The following YRDC variants were observed in gnomAD, a reference collection of about 807,000 sequenced individuals.
YRDC encodes the protein yrdC N6-threonylcarbamoyltransferase domain containing.
Under a neutral mutation model 21.5 loss-of-function variants are expected in YRDC, and 17 were observed. The observed-to-expected ratio is 0.79, with a 90% CI of 0.54 to 1.19. YRDC has a LOEUF of 1.19. Ranked by LOEUF, YRDC falls within the 50% of genes most tolerant of loss-of-function variation. The probability of loss-of-function intolerance (pLI) is 0.00; values close to 1 mark genes in which losing one functional copy is unlikely to be tolerated. For missense variants in YRDC, 380 were observed against 397.1 expected (o/e 0.96, Z 0.37); for synonymous variants, 193 against 176.7 (o/e 1.09, Z -0.73).
Position 37,804,336 on chromosome 1 carries a change from C to T in YRDC, c.733G>A (p.Val245Met), listed in dbSNP as rs779475370. 1 of 1,614,138 alleles carries T rather than the reference C, an allele frequency of 6.2e-7. No individual in the cohort carries two copies. The highest frequency in any genetic ancestry group is 8.5e-7 in the Non-Finnish European group (1 of 1,179,996). Reference sequence around the variant, plus strand: ...CGAATGATGCCAAACTTTCCGGGCACAGACAAATCAACCACAGTTGAGCCA... The same window carrying T: ...CGAATGATGCCAAACTTTCCGGGCATAGACAAATCAACCACAGTTGAGCCA... ...RLGSTVVDLS[V>M]PGKFGIIRPG... The change falls in exon 4 of 5, where the codon GTG (valine) becomes ATG (methionine). Residue 245 changes from valine (V) to methionine (M), a missense_variant. By Grantham distance (21) the Val-to-Met change is conservative. This residue lies in a region of YRDC where 238 missense variants were observed against 236.5 expected (regional missense o/e 1.01). Coordinates refer to ENST00000373044, the MANE Select transcript of YRDC (RefSeq NM_024640.4).
At chr1:37,807,049 G>A (rs1646742863) in intron 2 of YRDC, 52 bp downstream of exon 2, 2 of 1,613,788 alleles carry the variant, frequency 1.2e-6, no homozygotes, top group Non-Finnish European at 8.5e-7. Context: ...CTGGATCCTA[G>A]TGAAAGCCAA....
At chr1:37,806,108 G>A (rs1463288764) in intron 3 of YRDC, among the ~76,000 whole-genome samples, 1 of 152,088 alleles carries the variant, frequency 6.6e-6, no homozygotes, top group South Asian at 2.1e-4. Flanking sequence ...GAACAGGGGC[G>A]AGAATCAAAA....
intron 1 of YRDC, 152 bp from the exon 2 acceptor site, chr1:37,807,367 A>G (rs1646746082): frequency 1.3e-6 from 1 of 754,750 alleles, no homozygotes; most frequent in Non-Finnish European, 2.1e-6. Context: ...CTTGAGCAGA[A>G]AGCAGGGCTC....
At chr1:37,804,948 G>A (rs1646725360) in intron 3 of YRDC, among the ~76,000 whole-genome samples, 1 of 152,172 alleles carries the variant, frequency 6.6e-6, no homozygotes, top group Non-Finnish European at 1.5e-5. Context: ...GCAAAGATAA[G>A]AGAACAGGGT....
At chr1:37,804,180 C>T (rs1646720423) in intron 4 of YRDC, 122 bp downstream of exon 4, 4 of 1,501,026 alleles carry the variant, frequency 2.7e-6, no homozygotes, top group East Asian at 2.3e-5. Flanking sequence ...ACCACTTCTC[C>T]AAACCTGGCC....
chr1:37,807,694 A>C, intron 1 of YRDC, 98 bp downstream of exon 1: 1 of 1,356,316 alleles, frequency 7.4e-7, no homozygotes, highest in Non-Finnish European at 9.5e-7. Context: ...AGCCTGGACA[A>C]GCCCCTCCCG....
chr1:37,806,478 A>G (rs770518410), intron 3 of YRDC, among the ~76,000 whole-genome samples: 1 of 152,222 alleles, frequency 6.6e-6, no homozygotes, highest in Non-Finnish European at 1.5e-5. Context: ...CTGGGGTCAC[A>G]GGCATGAGCC....
Position 37,807,823 on chromosome 1 carries a change from C to G in YRDC, c.358G>C (p.Val120Leu), listed in dbSNP as rs772402590. 70 of 1,509,886 alleles carry G rather than the reference C, an allele frequency of 4.6e-5. No individual in the cohort carries two copies. Among genetic ancestry groups the G allele is most frequent in the Non-Finnish European group, 5.7e-5 (65 of 1,133,830 alleles). 93.5% of individuals were successfully genotyped at this position (1,509,886 alleles called of 1,614,324 possible). The part of the protein sequence containing the change: ...KGRSEAKPLA[V>L]CLGRVADVYR... ...ACGTCGGCCACGCGGCCGAGGCATA[C>G]GGCCAGAGGCTTGGCCTCGCTGCGA... is the stretch of plus-strand genomic sequence containing the variant. Residue 120 changes from valine to leucine, a missense_variant, in exon 1 of 5, where the codon GTA becomes CTA. Physicochemically the swap from Val to Leu is conservative, Grantham distance 32 (BLOSUM62 1). This residue lies in a region of YRDC where 238 missense variants were observed against 236.5 expected (regional missense o/e 1.01). Transcript: ENST00000373044.
At chr1:37,805,810 T>C (rs1452243428) in intron 3 of YRDC, among the ~76,000 whole-genome samples, 2 of 152,186 alleles carry the variant, frequency 1.3e-5, no homozygotes, top group African/African-American at 4.8e-5. Context: ...GCTCTAACTC[T>C]GGACTTTCCA....
intron 3 of YRDC, among the ~76,000 whole-genome samples, chr1:37,806,206 T>C (rs1646734595): frequency 1.3e-5 from 2 of 151,814 alleles, no homozygotes; most frequent in South Asian, 4.2e-4. Flanking sequence ...TTCATCTTTT[T>C]TTTTTTTTTT....
chr1:37,807,279 C>G, intron 1 of YRDC, 64 bp from the exon 2 acceptor site: 1 of 1,428,106 alleles, frequency 7.0e-7, no homozygotes, highest in Non-Finnish European at 9.8e-7. Context: ...CTTTCCTAGA[C>G]TCTAGGCAGA....
chr1:37,807,515 A>C, intron 1 of YRDC: 1 of 599,742 alleles, frequency 1.7e-6, no homozygotes, highest in Non-Finnish European at 2.8e-6. Flanking sequence ...AAATTAAGCT[A>C]CTGTGTTTGT....
chr1:37,807,872 C>G lies in YRDC; in HGVS notation c.309G>C (p.Leu103=). 2 of 1,471,546 alleles carry G rather than the reference C, an allele frequency of 1.4e-6. No homozygotes were observed. Among genetic ancestry groups the G allele is most frequent in the Non-Finnish European group, 1.8e-6 (2 of 1,111,410 alleles). 91.2% of individuals were successfully genotyped at this position (1,471,546 alleles called of 1,614,324 possible). Residue 103 remains leucine (L), a synonymous_variant, in exon 1 of 5, where the codon CTG becomes CTC. Transcript: ENST00000373044. ...GACCCTTGAGGCGGTACACAGCGCG[C>G]AGAGCCGCCGAGCAGCTCGCCGCGC... ...LACAASCSAA[L]RAVYRLKGRS... is the part of the protein sequence containing the mutation.
At position 37,807,176 on chromosome 1, in the gene YRDC, G is replaced by A. The variant is rs1299249327; in HGVS notation, c.429C>T (p.Asp143=). ...CCAGGGTCACTGGTCCTGGCAGTAGGTCTTTCAGGAGCCCCTCAGGTACTC... is the reference window on the plus strand; with the variant it reads ...CCAGGGTCACTGGTCCTGGCAGTAGATCTTTCAGGAGCCCCTCAGGTACTC... The part of the protein sequence containing the change: ...RVRVPEGLLK[D]LLPGPVTLVM... Residue 143 remains aspartate (D), a synonymous_variant, in exon 2 of 5, where the codon GAC becomes GAT. Transcript: ENST00000373044. 3 of 1,614,046 alleles carry A rather than the reference G, an allele frequency of 1.9e-6. No individual in the cohort carries two copies. In the Admixed American group the frequency reaches 5.0e-5, roughly 27 times the overall value.
Position 37,804,310 on chromosome 1 carries a change from A to G in YRDC, c.759T>C (p.Arg253=). The G allele has an allele frequency of 6.2e-7, 1 of 1,613,594 alleles. No individual in the cohort carries two copies. The highest frequency in any genetic ancestry group is 8.5e-7 in the Non-Finnish European group (1 of 1,179,564). ...LSVPGKFGII[R]PGCALESTTA... The stretch of plus-strand genomic sequence containing the variant: ...ACAGGAAAGAGACTTACCAGCCTGG[A>G]CGAATGATGCCAAACTTTCCGGGCA... The change falls in exon 4 of 5, where the codon CGT becomes CGC. Residue 253 remains arginine (R), a synonymous_variant. Transcript: ENST00000373044.
rs1646745098 is a variant in YRDC at position 37,807,281 on chromosome 1, C to T, written c.390-66G>A. On this transcript the variant is annotated intron_variant, in intron 1 of 4. Coordinates refer to ENST00000373044, the MANE Select transcript of YRDC (RefSeq NM_024640.4). ...GCCACTGGTGGTCCTTTCCTAGACT[C>T]TAGGCAGACGTAGAAAAGGAATCCT... is the stretch of plus-strand genomic sequence containing the variant. The T allele has an allele frequency of 3.5e-6, 5 of 1,423,450 alleles. No individual in the cohort carries two copies. In the South Asian group the frequency reaches 5.8e-5, roughly 16 times the overall value. 88.2% of individuals were successfully genotyped at this position (1,423,450 alleles called of 1,614,324 possible). A position where few individuals can be genotyped will look rare whatever the true frequency, so the allele number is the denominator to read the frequency against.
intron 1 of YRDC, 110 bp downstream of exon 1, chr1:37,807,682 T>G (rs934446637): frequency 7.4e-7 from 1 of 1,342,342 alleles, no homozygotes; most frequent in Non-Finnish European, 9.6e-7. Flanking sequence ...GATTCCTTGG[T>G]GAGCCTGGAC....
intron 1 of YRDC, 158 bp from the exon 2 acceptor site, chr1:37,807,373 GGCTCCAGAGGCGCACC>G: frequency 1.4e-6 from 1 of 715,170 alleles, no homozygotes; most frequent in Non-Finnish European, 2.3e-6. Flanking sequence ...CAGAAAGCAG[GGCTCCAGAGGCGCACC>G]CCTGGCTTGA....
chr1:37,803,864 G>T lies in YRDC; in HGVS notation c.*61C>A. On this transcript the variant is annotated 3_prime_UTR_variant, in exon 5 of 5. Coordinates refer to ENST00000373044, the MANE Select transcript of YRDC (RefSeq NM_024640.4). ...CTCTGCAAATGAGGCCTTGACAGTC[G>T]TCAGTGGACAGACACATAGTATCCA... 1 of 1,586,804 alleles carries T rather than the reference G, an allele frequency of 6.3e-7. No homozygotes were observed. The highest frequency in any genetic ancestry group is 8.6e-7 in the Non-Finnish European group (1 of 1,157,728).
Sources: allele counts gnomAD v4.1 joint callset (sites outside exome capture counted in the v4.1 genomes callset), GRCh38; gene constraint gnomAD v4.1.1; regional missense constraint gnomAD v4.1.1; transcripts MANE v1.5; gene names NCBI Gene and HGNC (gene_info 2026-07-23, HGNC 2026-07-21).